The following METTL25 variants were observed in gnomAD, a reference collection of about 807,000 sequenced individuals.
The protein encoded by METTL25 is methyltransferase like 25.
In METTL25, 64 loss-of-function variants were observed where a neutral mutation model predicts 71.6. The observed-to-expected ratio is 0.89, with a 90% confidence interval of 0.73 to 1.10. METTL25 has a LOEUF of 1.10. Among genes scored for constraint, METTL25 ranks in the 50% least tolerant of loss-of-function variants. METTL25 has a pLI of 0.00. For missense variants in METTL25, 807 were observed against 707.0 expected (o/e 1.14, Z -1.60); for synonymous variants, 287 against 250.3 (o/e 1.15, Z -1.38).
rs934421571 is a variant in METTL25 at position 82,439,036 on chromosome 12, A to G, written c.1478+245A>G. Reference sequence around the variant, plus strand: ...TGATAAAATAATCTATGTAAAATGTACTTTAGAATTTTTGAAGTATTAAAA... The same window carrying G: ...TGATAAAATAATCTATGTAAAATGTGCTTTAGAATTTTTGAAGTATTAAAA... On this transcript the variant is annotated intron_variant, in intron 8 of 11. Coordinates refer to ENST00000248306, the MANE Select transcript of METTL25 (RefSeq NM_032230.3). 1.4e-5 allele frequency: 4 copies of G among 277,308 alleles called. No homozygotes were observed. In the South Asian group the frequency reaches 4.5e-4, roughly 31 times the overall value. The allele number at this position is 277,308 out of a possible 1,614,324, so 17.2% of individuals were successfully genotyped here. A position where few individuals can be genotyped will look rare whatever the true frequency, so the allele number is the denominator to read the frequency against.
rs1592754187 is a variant in METTL25 at position 82,456,629 on chromosome 12, A to G, written c.1479-98A>G. ...TGATCACATTTGGATCTTGTGCTAT[A>G]TCCACAGAAAATATTTAAAAATATT... On this transcript the variant is annotated intron_variant, in intron 8 of 11. Transcript: ENST00000248306. 10 of 649,122 alleles carry G rather than the reference A, an allele frequency of 1.5e-5. No individual in the cohort carries two copies. In the East Asian group the frequency reaches 2.9e-4, roughly 19 times the overall value. The allele number at this position is 649,122 out of a possible 1,614,324, so 40.2% of individuals were successfully genotyped here. A position where few individuals can be genotyped will look rare whatever the true frequency, so the allele number is the denominator to read the frequency against.
intron 1 of METTL25, 156 bp downstream of exon 1, chr12:82,358,980 G>A: frequency 1.3e-6 from 1 of 742,892 alleles, no homozygotes; most frequent in Admixed American, 2.6e-5. Context: ...TTAGTTGAGG[G>A]GTGGGGTGGG....
intron 8 of METTL25, 66 bp from the exon 9 acceptor site, chr12:82,456,661 T>G (rs1208599353): frequency 1.2e-6 from 1 of 823,164 alleles, no homozygotes; most frequent in Non-Finnish European, 1.9e-6. Flanking sequence ...TATTTCATGA[T>G]TGAAATTAAA....
chr12:82,371,803 A>C (rs1167665273), intron 1 of METTL25, among the ~76,000 whole-genome samples: 1 of 152,146 alleles, frequency 6.6e-6, no homozygotes, highest in African/African-American at 2.4e-5. Context: ...TGCTCAGGGA[A>C]GTCAGAAGGA....
intron 1 of METTL25, among the ~76,000 whole-genome samples, chr12:82,386,215 G>A (rs965633176): frequency 3.9e-5 from 6 of 152,096 alleles, no homozygotes; most frequent in African/African-American, 1.2e-4. Context: ...CCTGCCACAA[G>A]TCTGCATCAT....
chr12:82,373,728 T>G (rs1883516282), intron 1 of METTL25, among the ~76,000 whole-genome samples: 1 of 152,176 alleles, frequency 6.6e-6, no homozygotes, highest in Admixed American at 6.5e-5. Context: ...CTGTCAACCC[T>G]TGGCTCAGCC....
At chr12:82,459,834 A>G (rs879933585) in intron 9 of METTL25, 6 of 152,228 alleles carry the variant, frequency 3.9e-5, no homozygotes, top group Admixed American at 6.5e-5. Flanking sequence ...CATACCTAAA[A>G]GTAATAAACA....
intron 5 of METTL25, among the ~76,000 whole-genome samples, chr12:82,414,482 G>A (rs1224783410): frequency 6.6e-6 from 1 of 151,976 alleles, no homozygotes; most frequent in African/African-American, 2.4e-5. Flanking sequence ...GTTATTTTTT[G>A]CGACTAATAG....
At chr12:82,360,431 A>G (rs191994347) in intron 1 of METTL25, among the ~76,000 whole-genome samples, 6 of 151,986 alleles carry the variant, frequency 3.9e-5, no homozygotes, top group Admixed American at 3.9e-4. Flanking sequence ...AAGATTCTCA[A>G]ACCTGGGTCA....
In METTL25 at chr12:82,358,833, T is replaced by C. The variant is rs764664554; in HGVS notation, c.259+9T>C. The C allele has an allele frequency of 6.3e-7, 1 of 1,582,524 alleles. No homozygotes were observed. Among genetic ancestry groups the C allele is most frequent in the South Asian group, 1.1e-5 (1 of 90,022 alleles). On this transcript the variant is annotated intron_variant, in intron 1 of 11. Coordinates refer to ENST00000248306, the MANE Select transcript of METTL25 (RefSeq NM_032230.3). Reference sequence around the variant, plus strand: ...AGCAGAGTGGGAAGCAGGTGGGTGGTGGGGTAGGCGGGGCGGGAAGGGAGG... The same window carrying C: ...AGCAGAGTGGGAAGCAGGTGGGTGGCGGGGTAGGCGGGGCGGGAAGGGAGG...
intron 5 of METTL25, among the ~76,000 whole-genome samples, chr12:82,426,031 T>G (rs1353702680): frequency 1.3e-5 from 2 of 152,060 alleles, no homozygotes; most frequent in Non-Finnish European, 2.9e-5. Context: ...TTTGATTAGA[T>G]TTGAATATGG....
At chr12:82,393,824 G>A (rs1300798237) in intron 3 of METTL25, among the ~76,000 whole-genome samples, 1 of 151,646 alleles carries the variant, frequency 6.6e-6, no homozygotes, top group Admixed American at 6.6e-5. Flanking sequence ...TTTTTTTAAA[G>A]GTGTATTGTT....
chr12:82,368,120 T>A (rs908445627), intron 1 of METTL25, among the ~76,000 whole-genome samples: 2 of 151,056 alleles, frequency 1.3e-5, no homozygotes, highest in Non-Finnish European at 2.9e-5. Context: ...AGATGCAGAG[T>A]CAGAAGACCT....
chr12:82,423,154 A>G (rs112889429), intron 5 of METTL25, among the ~76,000 whole-genome samples: 24 of 152,290 alleles, frequency 1.6e-4, no homozygotes, highest in African/African-American at 4.6e-4. Context: ...CTACAAGGCT[A>G]CAATAACCAA....
chr12:82,432,497 C>A (rs181827425), intron 6 of METTL25, among the ~76,000 whole-genome samples: 1 of 151,520 alleles, frequency 6.6e-6, no homozygotes, highest in African/African-American at 2.4e-5. Context: ...TGTAGACTAT[C>A]TAAAAGAAAA....
At chr12:82,409,265 C>A (rs1402460613) in intron 5 of METTL25, among the ~76,000 whole-genome samples, 2 of 152,054 alleles carry the variant, frequency 1.3e-5, no homozygotes, top group African/African-American at 2.4e-5. Context: ...ACATTATAAG[C>A]CAGTTGTCCC....
At chr12:82,471,959 A>G (rs983192387) in intron 9 of METTL25, among the ~76,000 whole-genome samples, 1 of 152,146 alleles carries the variant, frequency 6.6e-6, no homozygotes, top group Admixed American at 6.5e-5. Context: ...GATAAGAGGG[A>G]GAAAGGGATA....
chr12:82,379,011 A>G (rs530027848), intron 1 of METTL25, among the ~76,000 whole-genome samples: 1 of 152,314 alleles, frequency 6.6e-6, no homozygotes, highest in East Asian at 1.9e-4. Flanking sequence ...TAGCCTGGGC[A>G]ACAGAGTGAG....
intron 8 of METTL25, among the ~76,000 whole-genome samples, chr12:82,441,301 T>TATAC (rs1247183716): frequency 2.6e-5 from 4 of 150,966 alleles, no homozygotes; most frequent in Admixed American, 6.6e-5. Flanking sequence ...CTTATATATA[T>TATAC]ATATATAGTA....
Sources: gnomAD v4.1 joint callset for allele counts (sites outside exome capture counted in the v4.1 genomes callset) on GRCh38, gnomAD v4.1.1 for gene constraint, MANE v1.5 for transcripts, NCBI Gene and HGNC (gene_info 2026-07-23, HGNC 2026-07-21) for gene names.